Variants in KDM3B observed in about 807,000 individuals in gnomAD.
The protein encoded by KDM3B is lysine-specific demethylase 3B.
Under a neutral mutation model 170.0 loss-of-function variants are expected in KDM3B, and 10 were observed. The observed-to-expected ratio is 0.06, with a 90% CI of 0.04 to 0.10. KDM3B has a LOEUF of 0.10. Among genes scored for constraint, KDM3B ranks in the 10% least tolerant of loss-of-function variants. The probability of loss-of-function intolerance (pLI) is 1.00; values close to 1 mark genes in which losing one functional copy is unlikely to be tolerated. For synonymous variants in KDM3B, 831 were observed against 834.8 expected (o/e 1.00, Z 0.08); for missense variants, 1,394 against 2,195.2 (o/e 0.64, Z 7.29).
chr5:138,360,433 C>T (rs996813665), intron 1 of KDM3B, among the ~76,000 whole-genome samples: 3 of 152,026 alleles, frequency 2.0e-5, no homozygotes, highest in African/African-American at 7.3e-5. Flanking sequence ...TCTCCCCTTA[C>T]AGCATCAGGT....
chr5:138,398,157 A>G (rs981594122), intron 9 of KDM3B, 21 bp from the exon 10 acceptor site: 26 of 1,583,118 alleles, frequency 1.6e-5, no homozygotes, highest in Non-Finnish European at 2.0e-5. Context: ...GCGATTTACC[A>G]TGTATTTGAT....
At chr5:138,373,047 G>T (rs1397761919) in intron 2 of KDM3B, among the ~76,000 whole-genome samples, 2 of 152,120 alleles carry the variant, frequency 1.3e-5, no homozygotes, top group African/African-American at 4.8e-5. Flanking sequence ...TGATATGAAA[G>T]AATTTTTTTG....
At chr5:138,362,303 CAAA>C (rs1336398001) in intron 1 of KDM3B, among the ~76,000 whole-genome samples, 1 of 146,874 alleles carries the variant, frequency 6.8e-6, no homozygotes, top group African/African-American at 2.5e-5. Flanking sequence ...AAAAAAAAAA[CAAA>C]AGAAGGAACT....
chr5:138,358,652 T>G (rs1761518906), intron 1 of KDM3B, among the ~76,000 whole-genome samples: 1 of 151,876 alleles, frequency 6.6e-6, no homozygotes, highest in South Asian at 2.1e-4. Flanking sequence ...TGGAGTACAG[T>G]GGTGCAGTCA....
chr5:138,372,947 A>G (rs1424086294), intron 2 of KDM3B, 106 bp downstream of exon 2: 2 of 983,392 alleles, frequency 2.0e-6, no homozygotes, highest in African/African-American at 3.3e-5. Context: ...CTTTGTCCTT[A>G]ACGTACATTT....
intron 1 of KDM3B, among the ~76,000 whole-genome samples, chr5:138,372,158 C>G (rs72803854): frequency 6.6e-6 from 1 of 152,096 alleles, no homozygotes; most frequent in Non-Finnish European, 1.5e-5. Context: ...AATGGGAGGG[C>G]AATGTTTTTC....
rs762044447 is a variant in KDM3B at position 138,429,818 on chromosome 5, C to T, written c.4754-8C>T. The T allele has an allele frequency of 3.7e-6, 6 of 1,613,252 alleles. No individual in the cohort carries two copies. In the Admixed American group the frequency reaches 5.0e-5, roughly 13 times the overall value. ...ACTACATTGAAAGTGTCATTTTGCTCTTTTCAGAGGTACTCAAGACAATTG... is the reference window on the plus strand; with the variant it reads ...ACTACATTGAAAGTGTCATTTTGCTTTTTTCAGAGGTACTCAAGACAATTG... On this transcript the variant is annotated splice_region_variant and splice_polypyrimidine_tract_variant and intron_variant, in intron 20 of 23. Coordinates refer to ENST00000314358, the MANE Select transcript of KDM3B (RefSeq NM_016604.4).
At chr5:138,390,439 C>T (rs1294331017) in intron 7 of KDM3B, among the ~76,000 whole-genome samples, 4 of 151,968 alleles carry the variant, frequency 2.6e-5, no homozygotes, top group African/African-American at 9.7e-5. Context: ...AAATAGATGC[C>T]GAAATCCAAA....
chr5:138,386,947 A>T (rs73792445), intron 7 of KDM3B, among the ~76,000 whole-genome samples: 1 of 152,242 alleles, frequency 6.6e-6, no homozygotes, highest in African/African-American at 2.4e-5. Context: ...AGCCTCTGCT[A>T]GGCCTATAAG....
intron 1 of KDM3B, among the ~76,000 whole-genome samples, chr5:138,364,316 T>A (rs533182837): frequency 2.9e-4 from 44 of 152,316 alleles, no homozygotes; most frequent in African/African-American, 1.0e-3. Context: ...CATGTGTTGC[T>A]TTTATAACGC....
chr5:138,417,147 A>G, intron 12 of KDM3B, among the ~76,000 whole-genome samples: 1 of 152,172 alleles, frequency 6.6e-6, no homozygotes, highest in East Asian at 1.9e-4. Flanking sequence ...AACACTAGAG[A>G]ATCTACCCCT....
At chr5:138,400,973 T>C (rs1430865224) in intron 11 of KDM3B, among the ~76,000 whole-genome samples, 2 of 151,696 alleles carry the variant, frequency 1.3e-5, no homozygotes, top group Admixed American at 6.6e-5. Flanking sequence ...ATTCTGGACA[T>C]GTCATAAAAA....
Position 138,398,927 on chromosome 5 carries a change from C to T in KDM3B, c.3046+535C>T, listed in dbSNP as rs1286075687. On this transcript the variant is annotated intron_variant, in intron 10 of 23. Transcript: ENST00000314358. The stretch of plus-strand genomic sequence containing the variant: ...TTTTTGAGACGGAGTCTCGCTCTGT[C>T]GCCCAGGCTGGAGTGCAGTGGCACA... 5.4e-5 allele frequency among the ~76,000 whole-genome samples: 7 copies of T among 129,416 alleles called. No individual in the cohort carries two copies. The East Asian group carries it at 9.1e-4, about 17-fold the overall frequency. 84.9% of individuals were successfully genotyped at this position (129,416 alleles called of 152,430 possible). A position where few individuals can be genotyped will look rare whatever the true frequency, so the allele number is the denominator to read the frequency against.
chr5:138,421,370 C>T (rs1463989715), intron 15 of KDM3B, among the ~76,000 whole-genome samples: 2 of 152,198 alleles, frequency 1.3e-5, no homozygotes, highest in Non-Finnish European at 2.9e-5. Context: ...TAGTTTTCCC[C>T]TACTGGTTGG....
intron 1 of KDM3B, among the ~76,000 whole-genome samples, chr5:138,365,860 G>A (rs1325204094): frequency 2.0e-5 from 3 of 151,910 alleles, no homozygotes; most frequent in Admixed American, 6.6e-5. Context: ...TTAGCCGGGC[G>A]TGGTGGTGCT....
chr5:138,369,990 C>T (rs1410708931), intron 1 of KDM3B, among the ~76,000 whole-genome samples: 2 of 152,120 alleles, frequency 1.3e-5, no homozygotes, highest in Non-Finnish European at 1.5e-5. Flanking sequence ...AACATGAGCT[C>T]CAAGCTTTGT....
Position 138,392,254 on chromosome 5 carries a change from C to A in KDM3B, c.2622C>A (p.Pro874=). The change falls in exon 8 of 24, where the codon CCC becomes CCA. Residue 874 remains proline, a synonymous_variant. Coordinates refer to ENST00000314358, the MANE Select transcript of KDM3B (RefSeq NM_016604.4). The part of the protein sequence containing the change: ...QAPKGRPRTA[P]LKVGQSVLKD... ...CCAAGGGCCGGCCTCGGACTGCCCC[C>A]CTGAAAGGTGATCCTGCTGGGGCTA... is the stretch of plus-strand genomic sequence containing the variant. The A allele has an allele frequency of 6.7e-7, 1 of 1,489,004 alleles. No individual in the cohort carries two copies. Among genetic ancestry groups the A allele is most frequent in the Non-Finnish European group, 8.9e-7 (1 of 1,117,684 alleles). 92.2% of individuals were successfully genotyped at this position (1,489,004 alleles called of 1,614,324 possible). A position where few individuals can be genotyped will look rare whatever the true frequency, so the allele number is the denominator to read the frequency against.
intron 23 of KDM3B, among the ~76,000 whole-genome samples, chr5:138,432,113 G>GTCCT (rs1187036175): frequency 2.0e-5 from 3 of 152,118 alleles, no homozygotes; most frequent in Non-Finnish European, 4.4e-5. Flanking sequence ...CAGAGTTATA[G>GTCCT]TATTACAAGT....
chr5:138,361,745 T>C (rs754678672), intron 1 of KDM3B, among the ~76,000 whole-genome samples: 6 of 152,220 alleles, frequency 3.9e-5, no homozygotes, highest in Non-Finnish European at 8.8e-5. Flanking sequence ...TTCAGGCCCA[T>C]GCATCCTAGG....
Sources: gnomAD v4.1 joint callset for allele counts (sites outside exome capture counted in the v4.1 genomes callset) on GRCh38, gnomAD v4.1.1 for gene constraint, MANE v1.5 for transcripts, NCBI Gene and HGNC (gene_info 2026-07-23, HGNC 2026-07-21) for gene names.